SGO1: variants seen among roughly 807,000 people sequenced by gnomAD.
SGO1 encodes the protein shugoshin 1, also known as serologically defined breast cancer antigen NY-BR-85.
A neutral mutation model predicts 50.5 loss-of-function variants in SGO1; 39 were observed. The observed-to-expected ratio is 0.77, with a 90% confidence interval of 0.60 to 1.01. The LOEUF (loss-of-function observed/expected upper bound fraction) is 1.01. SGO1 is among the 50% of genes least tolerant of loss of function. SGO1 has a pLI of 0.00. For missense variants in SGO1, 638 were observed against 606.0 expected (o/e 1.05, Z -0.55); for synonymous variants, 191 against 205.1 (o/e 0.93, Z 0.59).
chr3:20,178,465 G>T (rs1203830427), intron 3 of SGO1, 118 bp from the exon 4 acceptor site: 35 of 725,582 alleles, frequency 4.8e-5, no homozygotes. Flanking sequence ...ATGGTTCTAG[G>T]AACTGAGACT....
At chr3:20,176,997 T>C (rs1054998254) in intron 4 of SGO1, among the ~76,000 whole-genome samples, 10 of 152,220 alleles carry the variant, frequency 6.6e-5, no homozygotes, top group Non-Finnish European at 1.2e-4. Context: ...GTTTGATCAC[T>C]CAACTCTTTA....
Position 20,174,721 on chromosome 3 carries a change from T to C in SGO1, c.810A>G (p.Glu270=), listed in dbSNP as rs1473952246. The C allele has an allele frequency of 2.5e-6, 4 of 1,613,988 alleles. No individual in the cohort carries two copies. Among genetic ancestry groups the C allele is most frequent in the Non-Finnish European group, 3.4e-6 (4 of 1,180,012 alleles). ...IQPGTFTKTK[E]DILESKSEQT... Reference sequence around the variant, plus strand: ...GTTCAGATTTAGATTCTAAAATGTCTTCTTTTGTTTTAGTAAACGTTCCTG... The same window carrying C: ...GTTCAGATTTAGATTCTAAAATGTCCTCTTTTGTTTTAGTAAACGTTCCTG... Residue 270 remains glutamate, a synonymous_variant, in exon 6 of 8, where the codon GAA becomes GAG. Transcript: ENST00000412997.
At chr3:20,177,359 AACT>A (rs1157650045) in intron 4 of SGO1, 2 of 152,254 alleles carry the variant, frequency 1.3e-5, no homozygotes, top group Non-Finnish European at 2.9e-5. Context: ...ACAGTTTAAA[AACT>A]ACTAATGATT....
chr3:20,184,746 T>C (rs1053535429), intron 1 of SGO1, among the ~76,000 whole-genome samples: 4 of 152,198 alleles, frequency 2.6e-5, no homozygotes, highest in African/African-American at 9.6e-5. Context: ...ATTATGAACA[T>C]AACAAATCAG....
intron 6 of SGO1, among the ~76,000 whole-genome samples, chr3:20,172,370 A>G (rs1318912020): frequency 1.3e-5 from 2 of 152,062 alleles, no homozygotes; most frequent in Non-Finnish European, 2.9e-5. Flanking sequence ...GCGTGGTGGC[A>G]CATGCCTGTA....
chr3:20,178,374 G>C (rs760544058), intron 3 of SGO1, 27 bp from the exon 4 acceptor site: 2 of 1,476,026 alleles, frequency 1.4e-6, no homozygotes, highest in Non-Finnish European at 1.9e-6. Context: ...ACAAAACACT[G>C]TTATAACTGA....
rs115847053 is a variant in SGO1, at chr3:20,176,101, C to T, written c.475+500G>A. On this transcript the variant is annotated intron_variant, in intron 5 of 7. Coordinates refer to ENST00000412997, the MANE Select transcript of SGO1 (RefSeq NM_001199251.3). ...GCTTATTCAAATACTATCCTTTCTT[C>T]AATGCTTGGTTCAAGTGGAGGAGAT... Among the ~76,000 whole-genome samples the T allele has an allele frequency of 7.0e-3, 1,066 of 152,292 alleles. 13 individuals are homozygous for T. Among genetic ancestry groups the T allele is most frequent in the African/African-American group, 0.025 (1,020 of 41,574 alleles).
In SGO1 at chr3:20,174,988, A is replaced by T. The variant is rs1175365176; in HGVS notation, c.543T>A (p.Thr181=). 1 of 1,606,834 alleles carries T rather than the reference A, an allele frequency of 6.2e-7. No homozygotes were observed. The highest frequency in any genetic ancestry group is 8.5e-7 in the Non-Finnish European group (1 of 1,176,114). The stretch of plus-strand genomic sequence containing the variant: ...ATACAGTTCTAGGTAAGACATTATC[A>T]GTAGACTTAGCTTCACCTGAATCAA... ...VDFDSGEAKS[T]DNVLPRTVSV... is the part of the protein sequence containing the mutation. Residue 181 remains threonine, a synonymous_variant, in exon 6 of 8, where the codon ACT becomes ACA. Coordinates refer to ENST00000412997, the MANE Select transcript of SGO1 (RefSeq NM_001199251.3).
chr3:20,167,314 T>C (rs1700355270), downstream of SGO1, among the ~76,000 whole-genome samples: 1 of 152,140 alleles, frequency 6.6e-6, no homozygotes, highest in Admixed American at 6.5e-5. Context: ...GTACAAATTA[T>C]AGACAAAATC....
chr3:20,180,490 G>A (rs1319540313), intron 3 of SGO1, among the ~76,000 whole-genome samples: 1 of 152,162 alleles, frequency 6.6e-6, no homozygotes, highest in Non-Finnish European at 1.5e-5. Flanking sequence ...ATGATCCAGT[G>A]GAGAGGGGGA....
intron 3 of SGO1, among the ~76,000 whole-genome samples, chr3:20,179,833 C>T (rs1287208503): frequency 6.6e-6 from 1 of 152,136 alleles, no homozygotes; most frequent in Non-Finnish European, 1.5e-5. Flanking sequence ...AGCATGATAT[C>T]ATGAAAACTA....
rs1277461095 is a variant in SGO1, at chr3:20,170,070, T to TA, written c.*633dup. ...CCAGAAGCTTATAATTAAAAGATCT[T>TA]ATTTGAGTAATCATTATTCATTTCT... is the stretch of plus-strand genomic sequence containing the variant. On this transcript the variant is annotated 3_prime_UTR_variant, in exon 8 of 8. Coordinates refer to ENST00000412997, the MANE Select transcript of SGO1 (RefSeq NM_001199251.3). The TA allele has an allele frequency of 4.8e-5, 47 of 985,290 alleles. No individual in the cohort carries two copies. The African/African-American group carries it at 7.8e-4, about 16-fold the overall frequency. 61.0% of individuals were successfully genotyped at this position (985,290 alleles called of 1,614,324 possible). A position where few individuals can be genotyped will look rare whatever the true frequency, so the allele number is the denominator to read the frequency against.
At chr3:20,178,088 G>A (rs1701604368) in intron 4 of SGO1, among the ~76,000 whole-genome samples, 183 bp downstream of exon 4, 1 of 152,108 alleles carries the variant, frequency 6.6e-6, no homozygotes, top group Non-Finnish European at 1.5e-5. Flanking sequence ...AAAAAGAAGG[G>A]TTTAGCTTGG....
intron 3 of SGO1, among the ~76,000 whole-genome samples, chr3:20,179,292 A>G (rs1701749968): frequency 6.6e-6 from 1 of 152,194 alleles, no homozygotes; most frequent in Non-Finnish European, 1.5e-5. Context: ...TTAAGTGGAG[A>G]TAGCAAATGG....
chr3:20,185,687 T>C (rs1003920142), intron 1 of SGO1, among the ~76,000 whole-genome samples: 2 of 152,234 alleles, frequency 1.3e-5, no homozygotes, highest in African/African-American at 4.8e-5. Flanking sequence ...GCTGTCAATT[T>C]TCTTGTGTCC....
chr3:20,180,631 C>CT (rs1440946297), intron 3 of SGO1, among the ~76,000 whole-genome samples: 2 of 152,088 alleles, frequency 1.3e-5, no homozygotes, highest in Non-Finnish European at 2.9e-5. Context: ...CATTCTGCCA[C>CT]TGTAACAAGA....
downstream of SGO1, among the ~76,000 whole-genome samples, chr3:20,165,239 C>T (rs982058508): frequency 5.9e-5 from 9 of 152,104 alleles, no homozygotes; most frequent in Non-Finnish European, 1.2e-4. Flanking sequence ...CTCTTTTAAA[C>T]AACCAGCTGT....
chr3:20,173,804 G>A (rs1010055977), intron 6 of SGO1, among the ~76,000 whole-genome samples: 4 of 152,102 alleles, frequency 2.6e-5, no homozygotes, highest in Non-Finnish European at 5.9e-5. Flanking sequence ...TATCAATTGA[G>A]GAAATCTTCA....
downstream of SGO1, among the ~76,000 whole-genome samples, chr3:20,164,697 A>T (rs1700205403): frequency 6.6e-6 from 1 of 152,224 alleles, no homozygotes; most frequent in South Asian, 2.1e-4. Flanking sequence ...ACTGCAAAAC[A>T]TGGTAGTAGA....
Sources: allele counts gnomAD v4.1 joint callset (sites outside exome capture counted in the v4.1 genomes callset), GRCh38; gene constraint gnomAD v4.1.1; transcripts MANE v1.5; gene names NCBI Gene and HGNC (gene_info 2026-07-23, HGNC 2026-07-21).